The following MAN1A2 variants were observed in gnomAD, a reference collection of about 807,000 sequenced individuals.
MAN1A2 encodes the protein mannosyl-oligosaccharide 1,2-alpha-mannosidase IB.
A neutral mutation model predicts 75.7 loss-of-function variants in MAN1A2; 26 were observed. That is an observed-to-expected ratio of 0.34 (90% confidence interval 0.25 to 0.48). The LOEUF (loss-of-function observed/expected upper bound fraction) is 0.48. MAN1A2 is among the 20% of genes least tolerant of loss of function. The probability of loss-of-function intolerance (pLI) is 0.99; values close to 1 mark genes in which losing one functional copy is unlikely to be tolerated. For synonymous variants in MAN1A2, 247 were observed against 264.6 expected, an observed-to-expected ratio of 0.93 and a Z score of 0.65; for missense variants, 562 against 775.5, an observed-to-expected ratio of 0.72 and a Z score of 3.27.
chr1:117,412,312 A>C (rs1647848177), intron 3 of MAN1A2, among the ~76,000 whole-genome samples: 1 of 151,594 alleles, frequency 6.6e-6, no homozygotes, highest in Admixed American at 6.6e-5. Flanking sequence ...GCCTTTTATA[A>C]TTTTAAAAAA....
At chr1:117,458,523 A>AGATTTT (rs372300456) in intron 6 of MAN1A2, among the ~76,000 whole-genome samples, 1 of 105,610 alleles carries the variant, frequency 9.5e-6, no homozygotes, top group African/African-American at 3.5e-5. Context: ...ATATATATAT[A>AGATTTT]TTTTTTTTTT....
chr1:117,464,012 C>T (rs774039481), intron 7 of MAN1A2, among the ~76,000 whole-genome samples: 7 of 152,078 alleles, frequency 4.6e-5, no homozygotes, highest in Admixed American at 6.6e-5. Flanking sequence ...CATAATTTAA[C>T]GTATGGGCCT....
In MAN1A2 at chr1:117,383,834, C is replaced by T. The variant is rs949397764; in HGVS notation, c.302+15349C>T. The stretch of plus-strand genomic sequence containing the variant: ...TCACAGGTGTGATCATGGTGCACTG[C>T]AACCTTGTACTCCTGGCCTTAAGTT... On this transcript the variant is annotated intron_variant, in intron 1 of 12. Transcript: ENST00000356554. Among the ~76,000 whole-genome samples, 3 of 152,010 alleles carry T rather than the reference C, an allele frequency of 2.0e-5. No homozygotes were observed. In the South Asian group the frequency reaches 6.2e-4, roughly 31 times the overall value.
intron 3 of MAN1A2, among the ~76,000 whole-genome samples, 171 bp from the exon 4 acceptor site, chr1:117,414,542 A>G (rs1410164305): frequency 2.0e-5 from 3 of 151,650 alleles, no homozygotes; most frequent in Admixed American, 2.0e-4. Flanking sequence ...TGTAAAAGGG[A>G]ACAATATTGG....
chr1:117,443,870 G>A (rs1010367873), intron 6 of MAN1A2, among the ~76,000 whole-genome samples: 3 of 151,730 alleles, frequency 2.0e-5, no homozygotes, highest in Non-Finnish European at 4.4e-5. Context: ...TCAGTGCTGC[G>A]ATTATAGGTG....
intron 6 of MAN1A2, among the ~76,000 whole-genome samples, chr1:117,451,679 A>G (rs966264816): frequency 6.6e-6 from 1 of 152,188 alleles, no homozygotes; most frequent in Non-Finnish European, 1.5e-5. Context: ...TTGTTACACA[A>G]GCTCTTTTCT....
chr1:117,447,813 A>G (rs1649286573), intron 6 of MAN1A2, among the ~76,000 whole-genome samples: 1 of 152,042 alleles, frequency 6.6e-6, no homozygotes, highest in Non-Finnish European at 1.5e-5. Context: ...TATAAATTGC[A>G]CATTTTTTTG....
At chr1:117,520,968 G>A (rs956327953) in intron 12 of MAN1A2, among the ~76,000 whole-genome samples, 3 of 151,870 alleles carry the variant, frequency 2.0e-5, no homozygotes, top group African/African-American at 7.3e-5. Flanking sequence ...ATAAAAATAG[G>A]CACACAGACC....
intron 3 of MAN1A2, among the ~76,000 whole-genome samples, chr1:117,408,224 C>T (rs1290545524): frequency 2.0e-5 from 3 of 149,832 alleles, no homozygotes; most frequent in Non-Finnish European, 4.4e-5. Flanking sequence ...GGCTATGGGG[C>T]ACCATGATCA....
intron 1 of MAN1A2, among the ~76,000 whole-genome samples, chr1:117,390,183 C>T (rs934036632): frequency 1.3e-5 from 2 of 152,072 alleles, no homozygotes; most frequent in Non-Finnish European, 2.9e-5. Flanking sequence ...TTTTCAGTGT[C>T]CTGAAAGAGT....
At chr1:117,514,116 AC>A (rs1299307128) in intron 12 of MAN1A2, among the ~76,000 whole-genome samples, 2 of 152,194 alleles carry the variant, frequency 1.3e-5, no homozygotes, top group African/African-American at 4.8e-5. Context: ...TAATCCCAGC[AC>A]TTTGGGAGGC....
rs935427064 is a variant in MAN1A2, at chr1:117,527,066, T to C, written c.*4109T>C. 10 of 151,644 alleles carry C rather than the reference T, an allele frequency of 6.6e-5. No homozygotes were observed. The highest frequency in any genetic ancestry group is 2.4e-4 in the African/African-American group (10 of 41,418). The allele number at this position is 151,644 out of a possible 1,614,324, so 9.4% of individuals were successfully genotyped here. ...AATATTTGAGTAACTATATATGATA[T>C]GGAGATATTTTAATCCATTTATCCT... is the stretch of plus-strand genomic sequence containing the variant. On this transcript the variant is annotated 3_prime_UTR_variant, in exon 13 of 13. Coordinates refer to ENST00000356554, the MANE Select transcript of MAN1A2 (RefSeq NM_006699.5).
intron 9 of MAN1A2, among the ~76,000 whole-genome samples, chr1:117,495,237 A>G (rs2101875485): frequency 6.6e-6 from 1 of 151,816 alleles, no homozygotes; most frequent in Non-Finnish European, 1.5e-5. Flanking sequence ...TATTAGTTTT[A>G]TTAGTTTATT....
intron 4 of MAN1A2, 25 bp downstream of exon 4, chr1:117,414,856 C>A: frequency 7.6e-7 from 1 of 1,323,402 alleles, no homozygotes; most frequent in Non-Finnish European, 1.1e-6. Flanking sequence ...GATAACTAAT[C>A]TCTTAGATTA....
chr1:117,407,719 ACTT>A (rs1187935580), intron 3 of MAN1A2, among the ~76,000 whole-genome samples: 1 of 152,170 alleles, frequency 6.6e-6, no homozygotes, highest in Non-Finnish European at 1.5e-5. Context: ...TAAAAAGAAA[ACTT>A]AATCAGCTGA....
At chr1:117,421,993 T>G (rs933031983) in intron 5 of MAN1A2, among the ~76,000 whole-genome samples, 1 of 152,138 alleles carries the variant, frequency 6.6e-6, no homozygotes, top group Non-Finnish European at 1.5e-5. Flanking sequence ...GGTTCTATAT[T>G]TTGAGAAACT....
chr1:117,385,769 C>G (rs1355673105), intron 1 of MAN1A2, among the ~76,000 whole-genome samples: 1 of 152,068 alleles, frequency 6.6e-6, no homozygotes, highest in African/African-American at 2.4e-5. Context: ...GTAACACATG[C>G]AGAAAAGGTA....
chr1:117,509,089 A>C (rs944171899), intron 12 of MAN1A2, among the ~76,000 whole-genome samples: 3 of 151,408 alleles, frequency 2.0e-5, no homozygotes, highest in Non-Finnish European at 4.4e-5. Flanking sequence ...CATTGAAGAA[A>C]AGATTGAGAA....
intron 5 of MAN1A2, among the ~76,000 whole-genome samples, chr1:117,427,972 T>C (rs1274121128): frequency 6.6e-6 from 1 of 152,208 alleles, no homozygotes; most frequent in African/African-American, 2.4e-5. Context: ...TATATGAAGT[T>C]ACACCATATT....
Sources: gnomAD v4.1 joint callset for allele counts (sites outside exome capture counted in the v4.1 genomes callset) on GRCh38, gnomAD v4.1.1 for gene constraint, MANE v1.5 for transcripts, NCBI Gene and HGNC (gene_info 2026-07-23, HGNC 2026-07-21) for gene names.